The following LTBP4 variants were observed in gnomAD, a reference collection of about 807,000 sequenced individuals.
LTBP4 encodes latent-transforming growth factor beta-binding protein 4.
A neutral mutation model predicts 180.2 loss-of-function variants in LTBP4; 93 were observed. The observed-to-expected ratio is 0.52, with a 90% CI of 0.44 to 0.61. The LOEUF is 0.61. Among genes scored for constraint, LTBP4 ranks in the 20% least tolerant of loss-of-function variants. The pLI is 0.00. For synonymous variants in LTBP4, 947 were observed against 934.5 expected (o/e 1.01, Z -0.24); for missense variants, 2,116 against 2,256.5 (o/e 0.94, Z 1.26).
chr19:40,606,892 C>A (rs950544883), intron 6 of LTBP4, among the ~76,000 whole-genome samples: 1 of 152,170 alleles, frequency 6.6e-6, no homozygotes, highest in Non-Finnish European at 1.5e-5. Context: ...GAACTACAGG[C>A]GGGCACCACC....
At position 40,609,702 on chromosome 19, in the gene LTBP4, G is replaced by A. The variant is rs768000779; in HGVS notation, c.1558+41G>A. The A allele has an allele frequency of 3.7e-6, 6 of 1,611,438 alleles. 1 individual carries two copies. In the South Asian group the frequency reaches 4.4e-5, roughly 12 times the overall value. ...GGCGCGGAAGGAGGCGGGGCGGGGG[G>A]CTTTGCCTGGTCACCTTGTCACCAG... On this transcript the variant is annotated intron_variant, in intron 10 of 29. Transcript: ENST00000396819. This position sits in a 1 kb window ranked among gnomAD's most constrained non-coding sequence, Gnocchi z 4.9.
In LTBP4 at chr19:40,613,393, G is replaced by A. The variant is rs1229025015; in HGVS notation, c.2432-11G>A. On this transcript the variant is annotated splice_polypyrimidine_tract_variant and intron_variant, in intron 16 of 29. Transcript: ENST00000396819. The surrounding 1 kb of genome is among the most constrained non-coding windows in gnomAD (Gnocchi z 5.0). ...GTCCCGTGACTCCGCCCAATCTCCC[G>A]CGTACCCTAGACGTGAACGAGTGCC... 3 of 1,604,070 alleles carry A rather than the reference G, an allele frequency of 1.9e-6. No individual in the cohort carries two copies. The highest frequency in any genetic ancestry group is 1.7e-5 in the Admixed American group (1 of 59,022).
Position 40,625,953 on chromosome 19 carries a change from G to A in LTBP4, c.3929G>A (p.Cys1310Tyr). 1 of 1,608,334 alleles carries A rather than the reference G, an allele frequency of 6.2e-7. No homozygotes were observed. Among genetic ancestry groups the A allele is most frequent in the Non-Finnish European group, 8.5e-7 (1 of 1,177,700 alleles). Reference sequence around the variant, plus strand: ...CAGGCCACCTACACAGAGTGCTGCTGCCTGTATGGAGAGGCCTGGGGCATG... The same window carrying A: ...CAGGCCACCTACACAGAGTGCTGCTACCTGTATGGAGAGGCCTGGGGCATG... Reference protein sequence around the residue: ...DRQATYTECCCLYGEAWGMDC... With the variant: ...DRQATYTECCYLYGEAWGMDC... Residue 1310 changes from cysteine (C) to tyrosine (Y), a missense_variant, in exon 27 of 30, where the codon TGC becomes TAC. Around this residue, in one of 5 missense-constraint regions of LTBP4, gnomAD observed 488 missense variants for 458.8 expected, o/e 1.06. Coordinates refer to ENST00000396819, the MANE Select transcript of LTBP4 (RefSeq NM_001042545.2).
At position 40,610,599 on chromosome 19, in the gene LTBP4, C is replaced by T. The variant is rs1372554021; in HGVS notation, c.1752C>T (p.Ser584=). 2.5e-6 allele frequency: 4 copies of T among 1,589,860 alleles called. No homozygotes were observed. The highest frequency in any genetic ancestry group is 2.2e-5 in the East Asian group (1 of 44,514). ...GGCGCTGCGAGAACACGCCAGGCAG[C>T]TTCCTGTGCGTGTGCCCCGCCGGGT... is the stretch of plus-strand genomic sequence containing the variant. ...DLGRCENTPG[S]FLCVCPAGYQ... The change falls in exon 12 of 30, where the codon AGC becomes AGT. Residue 584 remains serine (S), a synonymous_variant. Coordinates refer to ENST00000396819, the MANE Select transcript of LTBP4 (RefSeq NM_001042545.2).
In LTBP4 at chr19:40,622,909, G is replaced by A. The variant is rs1411495619; in HGVS notation, c.3485-41G>A. On this transcript the variant is annotated intron_variant, in intron 23 of 29. Transcript: ENST00000396819. This position sits in a 1 kb window ranked among gnomAD's most constrained non-coding sequence, Gnocchi z 5.1. ...GCACGAGCAGGTCAGGGCTGGGGCT[G>A]GGGCTCTGGTGTCCTGGCTCAGGCT... 3.1e-6 allele frequency: 5 copies of A among 1,598,396 alleles called. No individual in the cohort carries two copies. Among genetic ancestry groups the A allele is most frequent in the Non-Finnish European group, 4.3e-6 (5 of 1,169,024 alleles).
chr19:40,605,882 C>T lies in LTBP4; in HGVS notation c.793+51C>T, dbSNP rs1037643448. On this transcript the variant is annotated intron_variant, in intron 4 of 29. Transcript: ENST00000396819. The surrounding 1 kb of genome is among the most constrained non-coding windows in gnomAD (Gnocchi z 5.5). ...GCTCGGAGCTGGGGAGTGGTGACAA[C>T]CTCACCGTTCCTCCTACTCTGCCCT... is the stretch of plus-strand genomic sequence containing the variant. 43 of 1,500,990 alleles carry T rather than the reference C, an allele frequency of 2.9e-5. No individual in the cohort carries two copies. In the African/African-American group the frequency reaches 5.7e-4, roughly 20 times the overall value. 93.0% of individuals were successfully genotyped at this position (1,500,990 alleles called of 1,614,324 possible).
chr19:40,606,818 G>C (rs1428698531), intron 6 of LTBP4, among the ~76,000 whole-genome samples: 2 of 152,152 alleles, frequency 1.3e-5, no homozygotes, highest in African/African-American at 4.8e-5. Flanking sequence ...CGCGATCTCG[G>C]CTCACTGCAA....
chr19:40,601,092 C>A (rs2081419745), upstream of LTBP4, among the ~76,000 whole-genome samples: 2 of 152,044 alleles, frequency 1.3e-5, no homozygotes, highest in African/African-American at 4.8e-5. Flanking sequence ...GAAACCCGCC[C>A]GCCCCCACCT....
intron 26 of LTBP4, among the ~76,000 whole-genome samples, chr19:40,625,003 TCTGA>T (rs923223128): frequency 6.6e-5 from 10 of 151,370 alleles, no homozygotes; most frequent in African/African-American, 2.4e-4. Flanking sequence ...CCTTTTCGTT[TCTGA>T]CTATTTTCCT....
chr19:40,606,114 T>G, intron 4 of LTBP4, 119 bp from the exon 5 acceptor site: 2 of 976,356 alleles, frequency 2.0e-6, no homozygotes, highest in Non-Finnish European at 3.2e-6. Context: ...CCTAAGGCTG[T>G]CCCTGCACTT....
intron 21 of LTBP4, among the ~76,000 whole-genome samples, chr19:40,617,770 C>G (rs1009475578): frequency 2.0e-5 from 3 of 151,640 alleles, no homozygotes; most frequent in Non-Finnish European, 4.4e-5. Context: ...GTATAAAGTA[C>G]TAATCTTAAG....
upstream of LTBP4, chr19:40,601,237 G>C (rs2081420982): frequency 4.1e-6 from 2 of 490,230 alleles, no homozygotes; most frequent in South Asian, 8.7e-5. Context: ...CCAGCCCCAC[G>C]CGCCCCCGCG....
upstream of LTBP4, chr19:40,599,397 C>T: frequency 6.2e-7 from 1 of 1,610,720 alleles, no homozygotes; most frequent in Non-Finnish European, 8.5e-7. Context: ...TCCTTCCCCA[C>T]TTAGTCCCTG....
At chr19:40,608,028 C>T (rs985732168) in intron 7 of LTBP4, among the ~76,000 whole-genome samples, 192 bp from the exon 8 acceptor site, 1 of 152,218 alleles carries the variant, frequency 6.6e-6, no homozygotes, top group Non-Finnish European at 1.5e-5. Context: ...TGTGGGAAAA[C>T]GCTCTTGGCC....
In LTBP4 at chr19:40,609,956, G is replaced by A; in HGVS notation, c.1684+85G>A. The A allele has an allele frequency of 7.0e-7, 1 of 1,434,358 alleles. No individual in the cohort carries two copies. 88.9% of individuals were successfully genotyped at this position (1,434,358 alleles called of 1,614,324 possible). A position where few individuals can be genotyped will look rare whatever the true frequency, so the allele number is the denominator to read the frequency against. Reference sequence around the variant, plus strand: ...TCCAGAGCCTCTCCAGCCCTCCCACGCTTCCCCTCTCGGGTCCCGCCCCAG... The same window carrying A: ...TCCAGAGCCTCTCCAGCCCTCCCACACTTCCCCTCTCGGGTCCCGCCCCAG... On this transcript the variant is annotated intron_variant, in intron 11 of 29. Coordinates refer to ENST00000396819, the MANE Select transcript of LTBP4 (RefSeq NM_001042545.2). The surrounding 1 kb of genome is among the most constrained non-coding windows in gnomAD (Gnocchi z 4.9).
At position 40,605,932 on chromosome 19, in the gene LTBP4, A is replaced by T. The variant is rs1339532249; in HGVS notation, c.793+101A>T. On this transcript the variant is annotated intron_variant, in intron 4 of 29. Coordinates refer to ENST00000396819, the MANE Select transcript of LTBP4 (RefSeq NM_001042545.2). The surrounding 1 kb of genome is among the most constrained non-coding windows in gnomAD (Gnocchi z 5.5). ...TAGATAAACCCAGTTCACAAATTGT[A>T]GCCACGCCTACCCCATTGTGGAGGC... 4.0e-5 allele frequency: 51 copies of T among 1,290,230 alleles called. No individual in the cohort carries two copies. The highest frequency in any genetic ancestry group is 5.2e-5 in the Non-Finnish European group (49 of 946,070). The allele number at this position is 1,290,230 out of a possible 1,614,324, so 79.9% of individuals were successfully genotyped here.
Position 40,627,098 on chromosome 19 carries a change from A to G in LTBP4, c.4109A>G (p.Tyr1370Cys). 6.2e-7 allele frequency: 1 copy of G among 1,613,744 alleles called. No homozygotes were observed. Among genetic ancestry groups the G allele is most frequent in the Non-Finnish European group, 8.5e-7 (1 of 1,179,784 alleles). Residue 1370 changes from tyrosine to cysteine, a missense_variant, in exon 28 of 30, where the codon TAT becomes TGT. Tyr to Cys is a radical substitution (Grantham distance 194). Around this residue, in one of 5 missense-constraint regions of LTBP4, gnomAD observed 488 missense variants for 458.8 expected, o/e 1.06. Coordinates refer to ENST00000396819, the MANE Select transcript of LTBP4 (RefSeq NM_001042545.2). ...DLGPPYQGLPYGPELYPPPAL... is the reference protein window; with the variant it reads ...DLGPPYQGLPCGPELYPPPAL... ...GGTCCACCTTACCAGGGCCTCCCAT[A>G]TGGGCCTGAGTTGTACCCACCACCT...
chr19:40,607,823 C>T (rs1405385209), intron 7 of LTBP4, among the ~76,000 whole-genome samples: 1 of 152,216 alleles, frequency 6.6e-6, no homozygotes, highest in African/African-American at 2.4e-5. Flanking sequence ...GAACTTTGAC[C>T]AAGTCCTTGG....
upstream of LTBP4, chr19:40,600,264 C>T: frequency 1.6e-6 from 1 of 628,266 alleles, no homozygotes. The surrounding 1 kb of genome is among the most constrained non-coding windows in gnomAD (Gnocchi z 4.4). Context: ...CAGCCGCCGC[C>T]TACCCGCCCC....
Sources: allele counts gnomAD v4.1 joint callset (sites outside exome capture counted in the v4.1 genomes callset), GRCh38; gene constraint gnomAD v4.1.1; regional missense constraint gnomAD v4.1.1; non-coding constraint Gnocchi (gnomAD v3.1); transcripts MANE v1.5; gene names NCBI Gene and HGNC (gene_info 2026-07-23, HGNC 2026-07-21).